Variants in ANKH observed in about 807,000 individuals in gnomAD.
ANKH encodes ANKH inorganic pyrophosphate transport regulator.
In ANKH, 15 loss-of-function variants were observed where a neutral mutation model predicts 49.0. That is an observed-to-expected ratio of 0.31 (90% CI 0.20 to 0.47). ANKH has a LOEUF of 0.47. Among genes scored for constraint, ANKH ranks in the 20% least tolerant of loss-of-function variants. The pLI is 1.00. For synonymous variants in ANKH, 273 were observed against 260.0 expected (o/e 1.05, Z -0.48); for missense variants, 429 against 652.0 (o/e 0.66, Z 3.72).
At chr5:14,728,388 A>C (rs1468018672) in intron 8 of ANKH, among the ~76,000 whole-genome samples, 1 of 152,218 alleles carries the variant, frequency 6.6e-6, no homozygotes, top group African/African-American at 2.4e-5. Flanking sequence ...GTTCAGGCCC[A>C]AGGGTACTGT....
intron 1 of ANKH, among the ~76,000 whole-genome samples, chr5:14,830,864 G>C (rs1741485449): frequency 6.6e-6 from 1 of 152,110 alleles, no homozygotes. Flanking sequence ...GTCCTGCTTT[G>C]CCTGGGACTC....
Position 14,706,116 on chromosome 5 carries a change from G to A in ANKH, c.*5081C>T, listed in dbSNP as rs1181207586. 6.6e-6 allele frequency: 1 copy of A among 152,156 alleles called. No individual in the cohort carries two copies. The highest frequency in any genetic ancestry group is 2.4e-5 in the African/African-American group (1 of 41,426). The allele number at this position is 152,156 out of a possible 1,614,324, so 9.4% of individuals were successfully genotyped here. A position where few individuals can be genotyped will look rare whatever the true frequency, so the allele number is the denominator to read the frequency against. Reference sequence around the variant, plus strand: ...GAGAGAGAAAGGGTGCCTAGTTCTTGTGTGCTTTTGTTTACATATACATAT... The same window carrying A: ...GAGAGAGAAAGGGTGCCTAGTTCTTATGTGCTTTTGTTTACATATACATAT... On this transcript the variant is annotated 3_prime_UTR_variant, in exon 12 of 12. Coordinates refer to ENST00000284268, the MANE Select transcript of ANKH (RefSeq NM_054027.6).
At chr5:14,791,542 T>C (rs1031053865) in intron 1 of ANKH, among the ~76,000 whole-genome samples, 4 of 152,096 alleles carry the variant, frequency 2.6e-5, no homozygotes, top group Non-Finnish European at 5.9e-5. Flanking sequence ...GTAAAAAAAA[T>C]GCATAAAAAT....
chr5:14,771,648 C>T (rs143199357), intron 1 of ANKH, among the ~76,000 whole-genome samples: 3 of 152,094 alleles, frequency 2.0e-5, no homozygotes, highest in East Asian at 1.9e-4. Flanking sequence ...CAGCTGGGTG[C>T]GGTGGCTCAC....
At chr5:14,789,211 T>C (rs1740079303) in intron 1 of ANKH, among the ~76,000 whole-genome samples, 1 of 151,874 alleles carries the variant, frequency 6.6e-6, no homozygotes, top group African/African-American at 2.4e-5. Context: ...CTGGGCGACA[T>C]GAATGAAACC....
At chr5:14,757,143 C>G (rs1394354303) in intron 3 of ANKH, among the ~76,000 whole-genome samples, 1 of 152,072 alleles carries the variant, frequency 6.6e-6, no homozygotes, top group Non-Finnish European at 1.5e-5. Flanking sequence ...ATGACACGGA[C>G]CTGTCCAGGA....
intron 5 of ANKH, 30 bp from the exon 6 acceptor site, chr5:14,749,336 C>T (rs532141786): frequency 6.2e-7 from 1 of 1,613,532 alleles, no homozygotes; most frequent in East Asian, 2.2e-5. Flanking sequence ...TAAAAGTTAC[C>T]TGAACTCTAG....
At chr5:14,783,332 C>A (rs1223938294) in intron 1 of ANKH, among the ~76,000 whole-genome samples, 7 of 120,644 alleles carry the variant, frequency 5.8e-5, no homozygotes, top group African/African-American at 1.7e-4. Context: ...ACACACACAC[C>A]ACACATGGAG....
At chr5:14,790,841 C>T (rs1740141882) in intron 1 of ANKH, among the ~76,000 whole-genome samples, 1 of 152,176 alleles carries the variant, frequency 6.6e-6, no homozygotes, top group Non-Finnish European at 1.5e-5. Flanking sequence ...AACTCCTTAC[C>T]TCAAGAGATC....
intron 2 of ANKH, among the ~76,000 whole-genome samples, chr5:14,761,232 C>T (rs1580048313): frequency 6.6e-6 from 1 of 152,194 alleles, no homozygotes; most frequent in Admixed American, 6.5e-5. Context: ...CTCGGACTTC[C>T]AGCATCCATA....
chr5:14,800,722 T>C (rs140724249), intron 1 of ANKH, among the ~76,000 whole-genome samples: 19 of 146,444 alleles, frequency 1.3e-4, no homozygotes, highest in East Asian at 5.8e-4. Flanking sequence ...TATAACATTT[T>C]TTTTCTTTTT....
At chr5:14,771,577 T>C (rs566436387) in intron 1 of ANKH, among the ~76,000 whole-genome samples, 19 of 152,156 alleles carry the variant, frequency 1.2e-4, no homozygotes, top group African/African-American at 4.1e-4. Context: ...TTGAAGTCAA[T>C]ATGGGTCTGA....
At position 14,710,972 on chromosome 5, in the gene ANKH, G is replaced by A. The variant is rs915228159; in HGVS notation, c.*225C>T. On this transcript the variant is annotated 3_prime_UTR_variant, in exon 12 of 12. Coordinates refer to ENST00000284268, the MANE Select transcript of ANKH (RefSeq NM_054027.6). ...GCAGGGGTATGAAGTCAGTTGTTTC[G>A]TTTGTTTTTACATAGCAACAGTAAA... 2.0e-5 allele frequency: 11 copies of A among 538,572 alleles called. No homozygotes were observed. The Admixed American group carries it at 2.4e-4, about 12-fold the overall frequency. The allele number at this position is 538,572 out of a possible 1,614,324, so 33.4% of individuals were successfully genotyped here. A position where few individuals can be genotyped will look rare whatever the true frequency, so the allele number is the denominator to read the frequency against.
At chr5:14,798,210 T>A in intron 1 of ANKH, 1 of 1,594,446 alleles carries the variant, frequency 6.3e-7, no homozygotes, top group South Asian at 1.1e-5. Context: ...GACAAGTCGA[T>A]GAAGGCTGAA....
rs1738976946 is a variant in ANKH, at chr5:14,758,554, C to T, written c.358G>A (p.Val120Met). The T allele has an allele frequency of 1.2e-6, 2 of 1,614,044 alleles. No individual in the cohort carries two copies. The highest frequency in any genetic ancestry group is 1.7e-6 in the Non-Finnish European group (2 of 1,180,012). ...GYYIINKLHH[V>M]DESVGSKTRR... ...GTCTTGCTCCCCACCGACTCGTCCACATGGTGCAGTTTATTGATAATGTAG... is the reference window on the plus strand; with the variant it reads ...GTCTTGCTCCCCACCGACTCGTCCATATGGTGCAGTTTATTGATAATGTAG... Residue 120 changes from valine (V) to methionine (M), a missense_variant, in exon 3 of 12, where the codon GTG (valine) becomes ATG (methionine). Physicochemically the swap from Val to Met is conservative, Grantham distance 21 (BLOSUM62 1). Coordinates refer to ENST00000284268, the MANE Select transcript of ANKH (RefSeq NM_054027.6).
chr5:14,851,302 G>A (rs35554212), intron 1 of ANKH, among the ~76,000 whole-genome samples: 53,316 of 151,950 alleles, frequency 0.35, 9,409 homozygotes, highest in Admixed American at 0.4. Flanking sequence ...ACTGGACTCC[G>A]CCTTCCTCTG....
intron 6 of ANKH, 66 bp from the exon 7 acceptor site, chr5:14,746,028 G>C (rs1738525561): frequency 1.5e-6 from 2 of 1,350,666 alleles, no homozygotes; most frequent in African/African-American, 1.4e-5. Flanking sequence ...AGCTACAGTA[G>C]GTGACGAAGC....
chr5:14,732,850 C>G (rs190382247), intron 8 of ANKH, among the ~76,000 whole-genome samples: 4 of 152,300 alleles, frequency 2.6e-5, no homozygotes, highest in Non-Finnish European at 5.9e-5. Flanking sequence ...AAGCACCAAG[C>G]TATGTAGCCA....
chr5:14,761,857 C>T (rs1348855732), intron 2 of ANKH, among the ~76,000 whole-genome samples: 1 of 151,938 alleles, frequency 6.6e-6, no homozygotes, highest in African/African-American at 2.4e-5. Context: ...CCTCCACCTC[C>T]TGGGTTCAAG....
Sources: allele counts gnomAD v4.1 joint callset (sites outside exome capture counted in the v4.1 genomes callset), GRCh38; gene constraint gnomAD v4.1.1; transcripts MANE v1.5; gene names NCBI Gene and HGNC (gene_info 2026-07-23, HGNC 2026-07-21).